TSNARE1: variants seen among roughly 807,000 people sequenced by gnomAD.
The protein encoded by TSNARE1 is t-SNARE domain-containing protein 1.
Under a neutral mutation model 62.0 loss-of-function variants are expected in TSNARE1, and 49 were observed. That is an observed-to-expected ratio of 0.79 (90% CI 0.63 to 1.00). The LOEUF (loss-of-function observed/expected upper bound fraction) is 1.00, where lower values mean the gene tolerates loss of function less well. Among genes scored for constraint, TSNARE1 ranks in the 50% least tolerant of loss-of-function variants. TSNARE1 has a pLI of 0.00. For missense variants in TSNARE1, 755 were observed against 700.1 expected (o/e 1.08, Z -0.88); for synonymous variants, 328 against 294.4 (o/e 1.11, Z -1.17).
chr8:142,344,224 C>A lies in TSNARE1; in HGVS notation c.487G>T (p.Val163Leu). ...LKAEPTRRYR[V>L]WSRILQAVNA... ...ACGGCCTGCAGGATGCGGCTCCACA[C>A]GCGGTACCTGCGAGTGGGCTCGGCC... The change falls in exon 4 of 14, where the codon GTG becomes TTG. Residue 163 changes from valine to leucine, a missense_variant. Coordinates refer to ENST00000524325, the MANE Select transcript of TSNARE1 (RefSeq NM_145003.5). The A allele has an allele frequency of 5.0e-6, 8 of 1,613,480 alleles. No homozygotes were observed. The highest frequency in any genetic ancestry group is 1.7e-5 in the Admixed American group (1 of 60,010).
chr8:142,340,917 G>A (rs1476913692), intron 4 of TSNARE1, among the ~76,000 whole-genome samples: 1 of 152,280 alleles, frequency 6.6e-6, no homozygotes, highest in African/African-American at 2.4e-5. Flanking sequence ...TGGGGCTGGT[G>A]TCAGAGAAGG....
rs148302984 is a variant in TSNARE1, at chr8:142,298,592, C to T, written c.1290+1894G>A. Among the ~76,000 whole-genome samples, 339 of 152,294 alleles carry T rather than the reference C, an allele frequency of 2.2e-3. 1 individual carries two copies. Among genetic ancestry groups the T allele is most frequent in the Middle Eastern group, 6.8e-3 (2 of 294 alleles). On this transcript the variant is annotated intron_variant, in intron 10 of 13. Coordinates refer to ENST00000524325, the MANE Select transcript of TSNARE1 (RefSeq NM_145003.5). Reference sequence around the variant, plus strand: ...GAGCCAAGCCTCTCCCTGGACGCTGCCCTCTAACGGCCTCCTCATGCCCGC... The same window carrying T: ...GAGCCAAGCCTCTCCCTGGACGCTGTCCTCTAACGGCCTCCTCATGCCCGC...
chr8:142,338,479 G>T (rs1170094411), intron 4 of TSNARE1, among the ~76,000 whole-genome samples: 2 of 152,042 alleles, frequency 1.3e-5, no homozygotes, highest in African/African-American at 4.8e-5. Flanking sequence ...CTGCCTGGCT[G>T]CCTGGACCAC....
chr8:142,215,784 C>T (rs4976950), intron 13 of TSNARE1, among the ~76,000 whole-genome samples: 1 of 152,148 alleles, frequency 6.6e-6, no homozygotes. Flanking sequence ...GCTGAGGCTG[C>T]CAGCTCAGCC....
chr8:142,275,410 T>C, intron 11 of TSNARE1: 1 of 985,040 alleles, frequency 1.0e-6, no homozygotes, highest in Non-Finnish European at 1.2e-6. Flanking sequence ...AGATGGTACC[T>C]GGGAAAAGCC....
intron 1 of TSNARE1, among the ~76,000 whole-genome samples, chr8:142,372,226 G>A (rs538272530): frequency 7.2e-5 from 11 of 152,318 alleles, no homozygotes; most frequent in African/African-American, 1.7e-4. Context: ...CCGCAGGTCC[G>A]CAGCACGACA....
chr8:142,300,960 G>A (rs1441345099), intron 9 of TSNARE1, among the ~76,000 whole-genome samples: 1 of 82,944 alleles, frequency 1.2e-5, no homozygotes, highest in Non-Finnish European at 2.6e-5. Context: ...TGGGCAGGAG[G>A]CAGGAAGGGT....
chr8:142,399,286 C>T (rs1838119345), intron 1 of TSNARE1, among the ~76,000 whole-genome samples: 1 of 152,226 alleles, frequency 6.6e-6, no homozygotes. Flanking sequence ...GGCTCAAGAT[C>T]AGCTGTGAAA....
chr8:142,271,164 G>A, intron 12 of TSNARE1: 4 of 989,236 alleles, frequency 4.0e-6, no homozygotes, highest in Non-Finnish European at 4.8e-6. Context: ...GGGCTGTCCT[G>A]GGAGCCTCCA....
chr8:142,342,728 C>T (rs34942620), intron 4 of TSNARE1, among the ~76,000 whole-genome samples: 24,924 of 151,522 alleles, frequency 0.16, 2,163 homozygotes, highest in East Asian at 0.27. Context: ...GCCATGCCTA[C>T]GCCCTGCACC....
intron 1 of TSNARE1, among the ~76,000 whole-genome samples, chr8:142,402,012 C>G (rs764011830): frequency 6.6e-6 from 1 of 152,090 alleles, no homozygotes; most frequent in Non-Finnish European, 1.5e-5. Flanking sequence ...AAACAGAAAA[C>G]AAGCAGATGA....
At position 142,368,738 on chromosome 8, in the gene TSNARE1, C is replaced by T. The variant is rs1418315407; in HGVS notation, c.-39-13975G>A. Reference sequence around the variant, plus strand: ...GCCAGCAGACGGCAGACGGGCGGCCCTGCAGCTCAAAGACAGGAAGCCCCT... The same window carrying T: ...GCCAGCAGACGGCAGACGGGCGGCCTTGCAGCTCAAAGACAGGAAGCCCCT... On this transcript the variant is annotated intron_variant, in intron 1 of 13. Transcript: ENST00000524325. 6.6e-5 allele frequency among the ~76,000 whole-genome samples: 10 copies of T among 152,250 alleles called. No individual in the cohort carries two copies. In the East Asian group the frequency reaches 1.9e-3, roughly 29 times the overall value.
At chr8:142,213,735 G>A (rs866316716) in intron 13 of TSNARE1, among the ~76,000 whole-genome samples, 23 of 152,204 alleles carry the variant, frequency 1.5e-4, no homozygotes, top group African/African-American at 5.3e-4. Flanking sequence ...GGCGAGGGGA[G>A]GGTGAGGCTG....
chr8:142,236,552 C>T (rs532610631), intron 12 of TSNARE1, among the ~76,000 whole-genome samples: 1 of 151,610 alleles, frequency 6.6e-6, no homozygotes, highest in East Asian at 1.9e-4. Flanking sequence ...CAGGCTGATC[C>T]CCATGTCCCC....
At chr8:142,268,226 G>C (rs1040647597) in intron 12 of TSNARE1, among the ~76,000 whole-genome samples, 1 of 152,224 alleles carries the variant, frequency 6.6e-6, no homozygotes, top group Non-Finnish European at 1.5e-5. Flanking sequence ...CTCCTGCCTG[G>C]CCTCTCGGCA....
intron 12 of TSNARE1, chr8:142,273,481 G>C: frequency 1.0e-6 from 1 of 985,440 alleles, no homozygotes; most frequent in Non-Finnish European, 1.2e-6. Context: ...AAACAGCCCA[G>C]AGCTGGCGCC....
intron 6 of TSNARE1, among the ~76,000 whole-genome samples, chr8:142,324,877 A>C (rs1829977443): frequency 6.6e-6 from 1 of 152,160 alleles, no homozygotes; most frequent in South Asian, 2.1e-4. Flanking sequence ...GTTCCTAGTG[A>C]CTGCGACGCC....
intron 1 of TSNARE1, among the ~76,000 whole-genome samples, chr8:142,374,041 T>C (rs1420893964): frequency 6.6e-6 from 1 of 152,206 alleles, no homozygotes; most frequent in African/African-American, 2.4e-5. Context: ...ACATGGCTCA[T>C]GCCTGTAATC....
intron 11 of TSNARE1, chr8:142,278,694 G>T (rs557574671): frequency 2.0e-6 from 2 of 985,446 alleles, no homozygotes; most frequent in Non-Finnish European, 2.4e-6. Context: ...AGACAGAAAC[G>T]CCTGGCTTCC....
Sources: gnomAD v4.1 joint callset for allele counts (sites outside exome capture counted in the v4.1 genomes callset) on GRCh38, gnomAD v4.1.1 for gene constraint, MANE v1.5 for transcripts, NCBI Gene and HGNC (gene_info 2026-07-23, HGNC 2026-07-21) for gene names.